Variants in TRIM24 observed in about 807,000 individuals in gnomAD.
The protein encoded by TRIM24 is transcription intermediary factor 1-alpha.
A neutral mutation model predicts 123.9 loss-of-function variants in TRIM24; 29 were observed. That is an observed-to-expected ratio of 0.23 (90% CI 0.17 to 0.32). TRIM24 has a LOEUF of 0.32. Ranked by LOEUF, TRIM24 falls within the 10% of genes least tolerant of loss-of-function variation. The pLI is 1.00. For missense variants in TRIM24, 932 were observed against 1,295.3 expected, an observed-to-expected ratio of 0.72 and a Z score of 4.31; for synonymous variants, 456 against 461.1, an observed-to-expected ratio of 0.99 and a Z score of 0.14.
At chr7:138,461,269 T>G (rs1012435274) in intron 1 of TRIM24, 12 of 559,224 alleles carry the variant, frequency 2.1e-5, no homozygotes, top group East Asian at 9.4e-5. Flanking sequence ...AGTTAACTGC[T>G]ACCCGCCCGC....
At chr7:138,557,051 A>C (rs1278670329) in intron 9 of TRIM24, among the ~76,000 whole-genome samples, 1 of 152,204 alleles carries the variant, frequency 6.6e-6, no homozygotes, top group Non-Finnish European at 1.5e-5. Flanking sequence ...GAAAAGCAGG[A>C]GCTTATAAAA....
chr7:138,473,266 C>A (rs189888385), intron 1 of TRIM24, among the ~76,000 whole-genome samples: 3 of 152,222 alleles, frequency 2.0e-5, no homozygotes, highest in African/African-American at 7.2e-5. Flanking sequence ...GGTGACAGAA[C>A]GAGACTCTGT....
intron 1 of TRIM24, among the ~76,000 whole-genome samples, chr7:138,501,247 T>A (rs539850728): frequency 2.0e-5 from 3 of 152,266 alleles, no homozygotes; most frequent in South Asian, 2.1e-4. Flanking sequence ...TTATTTATTT[T>A]TTTTGAGATG....
At chr7:138,565,626 G>A (rs1797520550) in intron 9 of TRIM24, among the ~76,000 whole-genome samples, 1 of 152,192 alleles carries the variant, frequency 6.6e-6, no homozygotes, top group Non-Finnish European at 1.5e-5. Flanking sequence ...TCAGAGGACT[G>A]GAGAGACCAA....
intron 10 of TRIM24, among the ~76,000 whole-genome samples, chr7:138,568,060 T>C (rs1797571499): frequency 6.6e-6 from 1 of 152,182 alleles, no homozygotes; most frequent in Admixed American, 6.5e-5. Flanking sequence ...GGAATACATA[T>C]ATATCTGATG....
At chr7:138,551,252 T>C in intron 8 of TRIM24, 72 bp downstream of exon 8, 1 of 1,317,600 alleles carries the variant, frequency 7.6e-7, no homozygotes, top group South Asian at 1.2e-5. Context: ...GACATGTTAC[T>C]GAAAATATGT....
chr7:138,555,645 G>C (rs1007978480), intron 9 of TRIM24, among the ~76,000 whole-genome samples: 3 of 151,906 alleles, frequency 2.0e-5, no homozygotes, highest in Non-Finnish European at 4.4e-5. Flanking sequence ...ACCACACCCG[G>C]CTAATTTTTT....
chr7:138,491,130 T>G (rs1480698798), intron 1 of TRIM24: 4 of 296,602 alleles, frequency 1.3e-5, no homozygotes, highest in Non-Finnish European at 2.6e-5. Flanking sequence ...TTGAATTTTC[T>G]AAATGCAACT....
intron 10 of TRIM24, among the ~76,000 whole-genome samples, chr7:138,569,688 G>A (rs1160396707): frequency 6.6e-6 from 1 of 152,130 alleles, no homozygotes; most frequent in Admixed American, 6.5e-5. Context: ...ATATGTTTCT[G>A]TATGTAGTTT....
At chr7:138,477,284 C>T (rs1448912092) in intron 1 of TRIM24, among the ~76,000 whole-genome samples, 1 of 152,164 alleles carries the variant, frequency 6.6e-6, no homozygotes, top group Non-Finnish European at 1.5e-5. Context: ...CAGGCCACTG[C>T]ACTCCAGCCT....
intron 3 of TRIM24, among the ~76,000 whole-genome samples, chr7:138,517,845 G>T (rs1288964774): frequency 6.6e-6 from 1 of 152,120 alleles, no homozygotes; most frequent in Non-Finnish European, 1.5e-5. Context: ...AGTAAAGTAT[G>T]TGTCTTCTCT....
intron 15 of TRIM24, 35 bp from the exon 16 acceptor site, chr7:138,580,527 C>A: frequency 6.3e-7 from 1 of 1,591,214 alleles, no homozygotes; most frequent in Non-Finnish European, 8.6e-7. Context: ...GGAAATGATG[C>A]ATTAGGAATT....
intron 1 of TRIM24, among the ~76,000 whole-genome samples, chr7:138,503,478 ATGTTTGTTTGT>A (rs1796083661): frequency 6.6e-6 from 1 of 151,814 alleles, no homozygotes; most frequent in Non-Finnish European, 1.5e-5. Flanking sequence ...TTTTCATTAA[ATGTTTGTTTGT>A]TGTTTGTTTA....
At chr7:138,490,299 C>T (rs1448799395) in intron 1 of TRIM24, among the ~76,000 whole-genome samples, 1 of 152,112 alleles carries the variant, frequency 6.6e-6, no homozygotes, top group Non-Finnish European at 1.5e-5. Context: ...GTTTGAACAT[C>T]CTCCTTTAGC....
chr7:138,584,454 C>T (rs1002444479), intron 18 of TRIM24, among the ~76,000 whole-genome samples: 8 of 152,140 alleles, frequency 5.3e-5, no homozygotes, highest in African/African-American at 1.9e-4. Context: ...TCTAAAAATA[C>T]CTGGTTCATG....
intron 1 of TRIM24, chr7:138,461,253 G>C: frequency 5.1e-6 from 3 of 591,108 alleles, no homozygotes; most frequent in South Asian, 2.8e-5. Context: ...TTTGCCGGCT[G>C]CAGCCAGTTA....
Position 138,508,680 on chromosome 7 carries a change from T to TGCGCGCGCGCGC in TRIM24, c.483+4273_483+4274insCGCGCGCGCGCG, listed in dbSNP as rs777842191. ...TAAGAGGAGTGTGTGTGTGTGTGTG[T>TGCGCGCGCGCGC]GTGTGTGTGTGTGCGCGCGCGTGTG... On this transcript the variant is annotated intron_variant, in intron 2 of 18. Transcript: ENST00000343526. 1.6e-4 allele frequency among the ~76,000 whole-genome samples: 16 copies of TGCGCGCGCGCGC among 97,182 alleles called. No homozygotes were observed. In the South Asian group the frequency reaches 4.0e-3, roughly 24 times the overall value. 63.8% of individuals were successfully genotyped at this position (97,182 alleles called of 152,430 possible).
chr7:138,461,609 A>G (rs1250228158), intron 1 of TRIM24, among the ~76,000 whole-genome samples: 1 of 152,218 alleles, frequency 6.6e-6, no homozygotes, highest in South Asian at 2.1e-4. Context: ...TATTTTATAG[A>G]TAAAGCTGGA....
chr7:138,580,867 TA>T (rs543875261), intron 16 of TRIM24, among the ~76,000 whole-genome samples, 173 bp downstream of exon 16: 1 of 152,174 alleles, frequency 6.6e-6, no homozygotes, highest in Non-Finnish European at 1.5e-5. Flanking sequence ...TTCTTTAAAT[TA>T]AAAAAATCAC....
Sources: gnomAD v4.1 joint callset for allele counts (sites outside exome capture counted in the v4.1 genomes callset) on GRCh38, gnomAD v4.1.1 for gene constraint, MANE v1.5 for transcripts, NCBI Gene and HGNC (gene_info 2026-07-23, HGNC 2026-07-21) for gene names.